The following RFX3 variants were observed in gnomAD, a reference collection of about 807,000 sequenced individuals.
RFX3 encodes the protein regulatory factor X3.
A neutral mutation model predicts 98.6 loss-of-function variants in RFX3; 14 were observed. The ratio of observed to expected loss-of-function variants is 0.14; its 90% confidence interval spans 0.09 to 0.22. The LOEUF (loss-of-function observed/expected upper bound fraction) is 0.22. Among genes scored for constraint, RFX3 ranks in the 10% least tolerant of loss-of-function variants. RFX3 has a pLI of 1.00. For synonymous variants in RFX3, 383 were observed against 328.4 expected, an observed-to-expected ratio of 1.17 and a Z score of -1.80; for missense variants, 639 against 926.9, an observed-to-expected ratio of 0.69 and a Z score of 4.03.
chr9:3,358,067 TG>T (rs1835982330), intron 2 of RFX3, among the ~76,000 whole-genome samples: 1 of 152,088 alleles, frequency 6.6e-6, no homozygotes, highest in African/African-American at 2.4e-5. Context: ...TTGGTTAATT[TG>T]AAATTAAGAG....
chr9:3,514,068 T>C (rs910628695), intron 1 of RFX3, among the ~76,000 whole-genome samples: 1 of 152,348 alleles, frequency 6.6e-6, no homozygotes, highest in African/African-American at 2.4e-5. Context: ...TCAGCATTCA[T>C]GGCCTTTATT....
chr9:3,524,987 GT>G (rs1340290105), intron 1 of RFX3, among the ~76,000 whole-genome samples: 3 of 150,320 alleles, frequency 2.0e-5, no homozygotes, highest in Non-Finnish European at 4.4e-5. Context: ...CAAGGGGTGT[GT>G]GGGGGGGGGG....
At chr9:3,489,031 T>C (rs1308344675) in intron 1 of RFX3, 2 of 323,758 alleles carry the variant, frequency 6.2e-6, no homozygotes, top group African/African-American at 4.5e-5. Flanking sequence ...AATTAAAGTG[T>C]AGTATTTAAA....
At chr9:3,353,595 T>C (rs947621655) in intron 2 of RFX3, among the ~76,000 whole-genome samples, 1 of 151,984 alleles carries the variant, frequency 6.6e-6, no homozygotes, top group Admixed American at 6.6e-5. Flanking sequence ...GCCTTAGTAG[T>C]AGGGCTGTAC....
intron 4 of RFX3, among the ~76,000 whole-genome samples, chr9:3,328,371 G>C (rs1323590416): frequency 6.6e-6 from 1 of 152,044 alleles, no homozygotes; most frequent in Admixed American, 6.6e-5. Context: ...CTAAAGCTAG[G>C]AGGAAACTAG....
chr9:3,496,660 C>A (rs881167), intron 1 of RFX3, among the ~76,000 whole-genome samples: 17,267 of 151,916 alleles, frequency 0.11, 1,807 homozygotes, highest in East Asian at 0.57. Context: ...AGGTAATATT[C>A]CCATTTTTAC....
At chr9:3,366,711 TTTCTTTCTTTCTTTCTTTC>T (rs1563994156) in intron 2 of RFX3, among the ~76,000 whole-genome samples, 8 of 134,340 alleles carry the variant, frequency 6.0e-5, no homozygotes, top group African/African-American at 2.3e-4. Flanking sequence ...TCTTTCTTTC[TTTCTTTCTTTCTTTCTTTC>T]TTTCTTTCTT....
chr9:3,439,985 A>G (rs1845481859), intron 1 of RFX3, among the ~76,000 whole-genome samples: 1 of 152,090 alleles, frequency 6.6e-6, no homozygotes, highest in Non-Finnish European at 1.5e-5. Flanking sequence ...AATCTACCAT[A>G]CTAAGAAACT....
intron 1 of RFX3, among the ~76,000 whole-genome samples, chr9:3,495,574 A>G (rs1006966138): frequency 6.6e-6 from 1 of 152,142 alleles, no homozygotes. Flanking sequence ...TAAAATGTGC[A>G]GAACAATAGA....
chr9:3,312,573 T>TA lies in RFX3; in HGVS notation c.475-10954dup, dbSNP rs544770386. Among the ~76,000 whole-genome samples, 224 of 134,352 alleles carry TA rather than the reference T, an allele frequency of 1.7e-3. No homozygotes were observed. The South Asian group carries it at 0.019, about 11-fold the overall frequency. 88.1% of individuals were successfully genotyped at this position (134,352 alleles called of 152,430 possible). A position where few individuals can be genotyped will look rare whatever the true frequency, so the allele number is the denominator to read the frequency against. ...ATAAACTGTTCTTTTAATCCTCAAT[T>TA]AAAAAAAAAAAAAAAGCAGGGGGAT... On this transcript the variant is annotated intron_variant, in intron 4 of 16. Transcript: ENST00000617270.
intron 1 of RFX3, among the ~76,000 whole-genome samples, chr9:3,409,758 C>G (rs954429964): frequency 6.6e-6 from 1 of 152,140 alleles, no homozygotes; most frequent in African/African-American, 2.4e-5. Context: ...AAGGAGTAAT[C>G]GGTTTTCAGA....
intron 2 of RFX3, among the ~76,000 whole-genome samples, chr9:3,355,671 T>A (rs1835664312): frequency 6.6e-6 from 1 of 151,878 alleles, no homozygotes; most frequent in South Asian, 2.1e-4. Context: ...ATACAGAAAT[T>A]ATCAATCAAC....
chr9:3,275,577 C>G lies in RFX3; in HGVS notation c.1009G>C (p.Glu337Gln). Residue 337 changes from glutamate (E) to glutamine (Q), a missense_variant, in exon 9 of 17, where the codon GAA (glutamate) becomes CAA (glutamine). Glu to Gln is a conservative substitution (Grantham distance 29). Coordinates refer to ENST00000617270, the MANE Select transcript of RFX3 (RefSeq NM_001282116.2). ...SRALPEFGEV[E>Q]ISSLPDGTTF... is the part of the protein sequence containing the mutation. ...GTACCATCTGGCAGAGAAGAGATTTCAACTTCTCCAAACTCTGGAAGTGCT... is the reference window on the plus strand; with the variant it reads ...GTACCATCTGGCAGAGAAGAGATTTGAACTTCTCCAAACTCTGGAAGTGCT... 1 of 1,612,166 alleles carries G rather than the reference C, an allele frequency of 6.2e-7. No homozygotes were observed. Among genetic ancestry groups the G allele is most frequent in the Non-Finnish European group, 8.5e-7 (1 of 1,178,510 alleles).
intron 1 of RFX3, among the ~76,000 whole-genome samples, chr9:3,495,293 AT>A (rs1014208826): frequency 1.3e-5 from 2 of 152,066 alleles, no homozygotes; most frequent in African/African-American, 4.8e-5. Context: ...ATAATATGCA[AT>A]TAAGCATAAA....
At chr9:3,320,756 C>T (rs1382570216) in intron 4 of RFX3, among the ~76,000 whole-genome samples, 1 of 115,092 alleles carries the variant, frequency 8.7e-6, no homozygotes, top group South Asian at 2.8e-4. Context: ...ACATATAATG[C>T]ATGCTACATA....
At chr9:3,342,241 T>A (rs1833968987) in intron 3 of RFX3, among the ~76,000 whole-genome samples, 1 of 152,214 alleles carries the variant, frequency 6.6e-6, no homozygotes, top group Non-Finnish European at 1.5e-5. Context: ...TCTGGTTCTA[T>A]GCATTTCTAT....
chr9:3,397,628 C>A (rs570192384), intron 1 of RFX3, among the ~76,000 whole-genome samples: 3 of 152,264 alleles, frequency 2.0e-5, no homozygotes, highest in African/African-American at 7.2e-5. Context: ...AGACTTGGGA[C>A]TGGGCTTTTT....
At chr9:3,466,789 T>G (rs549786396) in intron 1 of RFX3, among the ~76,000 whole-genome samples, 5 of 152,050 alleles carry the variant, frequency 3.3e-5, no homozygotes, top group East Asian at 3.9e-4. Flanking sequence ...TTGCCCGAAG[T>G]CAAAGATATT....
chr9:3,250,729 C>A (rs1168902654), intron 14 of RFX3, among the ~76,000 whole-genome samples: 1 of 151,560 alleles, frequency 6.6e-6, no homozygotes, highest in Non-Finnish European at 1.5e-5. Context: ...CAAGTTATGG[C>A]TCATCCAGAT....
Sources: gnomAD v4.1 joint callset for allele counts (sites outside exome capture counted in the v4.1 genomes callset) on GRCh38, gnomAD v4.1.1 for gene constraint, MANE v1.5 for transcripts, NCBI Gene and HGNC (gene_info 2026-07-23, HGNC 2026-07-21) for gene names.